The following ZC3H12C variants were observed in gnomAD, a reference collection of about 807,000 sequenced individuals.
ZC3H12C encodes the protein zinc finger CCCH-type containing 12C, also known as probable ribonuclease ZC3H12C.
ZC3H12C carries 20 observed loss-of-function variants against 76.3 expected under a neutral mutation model. That is an observed-to-expected ratio of 0.26 (90% CI 0.18 to 0.38). ZC3H12C has a LOEUF of 0.38. ZC3H12C is among the 10% of genes least tolerant of loss of function. ZC3H12C has a pLI of 1.00. For synonymous variants in ZC3H12C, 352 were observed against 399.6 expected (o/e 0.88, Z 1.42); for missense variants, 874 against 1,086.5 (o/e 0.80, Z 2.75).
chr11:110,150,100 G>T (rs1393355909), intron 2 of ZC3H12C, among the ~76,000 whole-genome samples: 1 of 151,890 alleles, frequency 6.6e-6, no homozygotes, highest in East Asian at 1.9e-4. Context: ...AGTACCATTT[G>T]CTAAATAGTT....
chr11:110,154,776 G>GAA (rs36169501), intron 3 of ZC3H12C, among the ~76,000 whole-genome samples: 2 of 142,682 alleles, frequency 1.4e-5, no homozygotes, highest in African/African-American at 2.6e-5. Context: ...GTTGCCTAAG[G>GAA]AAAAAAAAAT....
chr11:110,136,868 A>G lies in ZC3H12C; in HGVS notation c.227A>G (p.Asp76Gly), dbSNP rs1591475626. 6.2e-7 allele frequency: 1 copy of G among 1,613,892 alleles called. No individual in the cohort carries two copies. The highest frequency in any genetic ancestry group is 1.3e-5 in the African/African-American group (1 of 75,052). Residue 76 changes from aspartate to glycine, a missense_variant, in exon 2 of 6, where the codon GAT becomes GGT. Physicochemically the swap from Asp to Gly is moderately conservative, Grantham distance 94. Transcript: ENST00000278590. Reference protein sequence around the residue: ...PSMDTVNVGKDEKEASEENAS... With the variant: ...PSMDTVNVGKGEKEASEENAS... ...ATGGATACCGTTAATGTGGGGAAGG[A>G]TGAAAAAGAGGCGTCTGAAGAGAAT... is the stretch of plus-strand genomic sequence containing the variant.
At chr11:110,131,013 C>G in intron 1 of ZC3H12C, 1 of 1,535,192 alleles carries the variant, frequency 6.5e-7, no homozygotes, top group Non-Finnish European at 8.7e-7. Context: ...CATTGTTCTT[C>G]TTGCCTGCCT....
At chr11:110,131,044 G>T (rs1250238795) in intron 1 of ZC3H12C, 2 of 1,535,676 alleles carry the variant, frequency 1.3e-6, no homozygotes, top group Non-Finnish European at 1.7e-6. Flanking sequence ...AGCTAAAATT[G>T]TGTTAAGGAG....
intron 1 of ZC3H12C, among the ~76,000 whole-genome samples, chr11:110,130,369 TTCA>T (rs1346766751): frequency 6.6e-6 from 1 of 152,220 alleles, no homozygotes; most frequent in African/African-American, 2.4e-5. Context: ...CAATTGTATT[TTCA>T]TCATCTCTTC....
rs939927936 is a variant in ZC3H12C, at chr11:110,167,233, G to A, written c.*1496G>A. On this transcript the variant is annotated 3_prime_UTR_variant, in exon 6 of 6. Coordinates refer to ENST00000278590, the MANE Select transcript of ZC3H12C (RefSeq NM_033390.2). ...CCTACATGCTACAGTTTGAAGTGAA[G>A]CCCTGAAAAACCAGAAAGTACCTTT... The A allele has an allele frequency of 2.6e-5, 4 of 152,118 alleles. No homozygotes were observed. The highest frequency in any genetic ancestry group is 5.9e-5 in the Non-Finnish European group (4 of 68,002). The allele number at this position is 152,118 out of a possible 1,614,324, so 9.4% of individuals were successfully genotyped here.
intron 2 of ZC3H12C, among the ~76,000 whole-genome samples, chr11:110,146,750 T>A (rs1862179098): frequency 6.6e-6 from 1 of 151,652 alleles, no homozygotes; most frequent in African/African-American, 2.4e-5. Flanking sequence ...TCTTTCTACA[T>A]TTTTTTTTCC....
At chr11:110,159,011 A>G (rs1404694140) in intron 3 of ZC3H12C, among the ~76,000 whole-genome samples, 1 of 148,474 alleles carries the variant, frequency 6.7e-6, no homozygotes, top group Non-Finnish European at 1.5e-5. Flanking sequence ...TTGCCCAGTC[A>G]TGGTTCAATT....
intron 2 of ZC3H12C, among the ~76,000 whole-genome samples, chr11:110,146,180 G>A (rs1862166183): frequency 6.6e-6 from 1 of 152,140 alleles, no homozygotes; most frequent in Admixed American, 6.5e-5. Flanking sequence ...AGTAGAGACA[G>A]GGCTTCACCG....
chr11:110,095,905 GTAAA>G (rs924565068), intron 1 of ZC3H12C, among the ~76,000 whole-genome samples: 96 of 152,284 alleles, frequency 6.3e-4, no homozygotes, highest in African/African-American at 2.0e-3. Context: ...GCAATATTAA[GTAAA>G]TAAGATGGTC....
In ZC3H12C at chr11:110,166,784, T is replaced by G. The variant is rs1460474934; in HGVS notation, c.*1047T>G. On this transcript the variant is annotated 3_prime_UTR_variant, in exon 6 of 6. Transcript: ENST00000278590. ...AAGGCTGGCCTGAGGTGGGTTTATG[T>G]GTTGAGGTTATGCAACATTTCTTGA... is the stretch of plus-strand genomic sequence containing the variant. The G allele has an allele frequency of 6.6e-6, 1 of 152,206 alleles. No individual in the cohort carries two copies. 9.4% of individuals were successfully genotyped at this position (152,206 alleles called of 1,614,324 possible).
chr11:110,106,725 A>G (rs979111951), intron 1 of ZC3H12C, among the ~76,000 whole-genome samples: 3 of 152,190 alleles, frequency 2.0e-5, no homozygotes, highest in Admixed American at 2.0e-4. Flanking sequence ...GATATAAAAG[A>G]AAGTTATTTG....
intron 1 of ZC3H12C, among the ~76,000 whole-genome samples, chr11:110,124,585 T>G (rs1226142121): frequency 6.6e-6 from 1 of 152,208 alleles, no homozygotes; most frequent in Non-Finnish European, 1.5e-5. Context: ...GAAGGCTTTA[T>G]GGAAAAAATA....
chr11:110,135,156 T>C (rs1861932778), intron 1 of ZC3H12C, among the ~76,000 whole-genome samples: 1 of 152,128 alleles, frequency 6.6e-6, no homozygotes, highest in African/African-American at 2.4e-5. Flanking sequence ...GCTGGCTTGC[T>C]AATGCTGTAT....
At position 110,164,304 on chromosome 11, in the gene ZC3H12C, G is replaced by A. The variant is rs768259152; in HGVS notation, c.1256-37G>A. Reference sequence around the variant, plus strand: ...CAAACTGAGTTTTCAGGATCTGATGGTATGCTCCTTTGCCTAATTAATTTT... The same window carrying A: ...CAAACTGAGTTTTCAGGATCTGATGATATGCTCCTTTGCCTAATTAATTTT... On this transcript the variant is annotated intron_variant, in intron 5 of 5. Coordinates refer to ENST00000278590, the MANE Select transcript of ZC3H12C (RefSeq NM_033390.2). This position sits in a 1 kb window ranked among gnomAD's most constrained non-coding sequence, Gnocchi z 5.7. 2.5e-5 allele frequency: 38 copies of A among 1,511,308 alleles called. 2 individuals carry two copies. The South Asian group carries it at 5.0e-4, about 20-fold the overall frequency. The allele number at this position is 1,511,308 out of a possible 1,614,324, so 93.6% of individuals were successfully genotyped here.
intron 1 of ZC3H12C, among the ~76,000 whole-genome samples, chr11:110,128,856 T>A (rs1258396681): frequency 7.8e-6 from 1 of 128,558 alleles, no homozygotes; most frequent in Non-Finnish European, 1.6e-5. Context: ...TTTTTATTCA[T>A]GAGATTTCAA....
chr11:110,128,124 CT>C (rs146627769), intron 1 of ZC3H12C, among the ~76,000 whole-genome samples: 53,491 of 147,292 alleles, frequency 0.36, 10,923 homozygotes, highest in African/African-American at 0.57. Flanking sequence ...ACTACACTGT[CT>C]TTTTTTTTTT....
At chr11:110,149,172 A>T (rs1478059892) in intron 2 of ZC3H12C, among the ~76,000 whole-genome samples, 1 of 152,178 alleles carries the variant, frequency 6.6e-6, no homozygotes, top group Non-Finnish European at 1.5e-5. Flanking sequence ...AGACAACAGC[A>T]GCGATTCTAG....
At chr11:110,150,979 C>T (rs1862262281) in intron 2 of ZC3H12C, among the ~76,000 whole-genome samples, 1 of 152,202 alleles carries the variant, frequency 6.6e-6, no homozygotes, top group Admixed American at 6.5e-5. Flanking sequence ...GAAAACTTGA[C>T]CACAGATTCC....
Sources: gnomAD v4.1 joint callset for allele counts (sites outside exome capture counted in the v4.1 genomes callset) on GRCh38, gnomAD v4.1.1 for gene constraint, Gnocchi (gnomAD v3.1) non-coding constraint, MANE v1.5 for transcripts, NCBI Gene and HGNC (gene_info 2026-07-23, HGNC 2026-07-21) for gene names.